The following SGIP1 variants were observed in gnomAD, a reference collection of about 807,000 sequenced individuals.
The protein encoded by SGIP1 is SH3-containing GRB2-like protein 3-interacting protein 1.
SGIP1 carries 38 observed loss-of-function variants against 107.5 expected under a neutral mutation model. The ratio of observed to expected loss-of-function variants is 0.35; its 90% CI spans 0.27 to 0.46. The LOEUF is 0.46. Among genes scored for constraint, SGIP1 ranks in the 20% least tolerant of loss-of-function variants. The pLI is 1.00. For missense variants in SGIP1, 929 were observed against 1,019.5 expected, an observed-to-expected ratio of 0.91 and a Z score of 1.21; for synonymous variants, 365 against 366.1, an observed-to-expected ratio of 1.00 and a Z score of 0.03.
chr1:66,653,957 T>C (rs975336575), intron 7 of SGIP1, among the ~76,000 whole-genome samples: 3 of 152,220 alleles, frequency 2.0e-5, no homozygotes, highest in Non-Finnish European at 2.9e-5. Flanking sequence ...AACAGTTTAC[T>C]GAATGTTGGG....
intron 18 of SGIP1, among the ~76,000 whole-genome samples, chr1:66,716,757 T>C (rs187113520): frequency 1.3e-5 from 2 of 152,232 alleles, no homozygotes; most frequent in Admixed American, 1.3e-4. Flanking sequence ...ATTCTTAGAT[T>C]TGTATTAGAT....
At position 66,550,564 on chromosome 1, in the gene SGIP1, A is replaced by G. The variant is rs549929549; in HGVS notation, c.10+16196A>G. On this transcript the variant is annotated intron_variant, in intron 1 of 24. Coordinates refer to ENST00000371037, the MANE Select transcript of SGIP1 (RefSeq NM_032291.4). The stretch of plus-strand genomic sequence containing the variant: ...TTTCTCTTAACAAGTAGATACAGCT[A>G]TTACCACTGCCCCTCCCCCAAGAGG... 4.6e-5 allele frequency among the ~76,000 whole-genome samples: 7 copies of G among 152,238 alleles called. No homozygotes were observed. The South Asian group carries it at 1.0e-3, about 23-fold the overall frequency.
At chr1:66,643,753 T>C (rs1186282545) in intron 7 of SGIP1, 34 bp downstream of exon 7, 1 of 1,563,646 alleles carries the variant, frequency 6.4e-7, no homozygotes. Context: ...TAAGCTTTAG[T>C]GAGATTGAAC....
At chr1:66,650,227 T>C (rs17129252) in intron 7 of SGIP1, among the ~76,000 whole-genome samples, 23,263 of 152,130 alleles carry the variant, frequency 0.15, 1,951 homozygotes, top group African/African-American at 0.22. Flanking sequence ...CAGAAGGAAG[T>C]ATCCCTAAAT....
chr1:66,644,377 T>C, intron 7 of SGIP1, among the ~76,000 whole-genome samples: 1 of 152,088 alleles, frequency 6.6e-6, no homozygotes, highest in Non-Finnish European at 1.5e-5. Context: ...TTTTGCACAA[T>C]TTGCACTTTC....
At chr1:66,567,017 C>T (rs1023815510) in intron 1 of SGIP1, among the ~76,000 whole-genome samples, 1 of 152,076 alleles carries the variant, frequency 6.6e-6, no homozygotes, top group Admixed American at 6.6e-5. Flanking sequence ...CAGCTTCATC[C>T]ATGTCCCTGC....
intron 1 of SGIP1, among the ~76,000 whole-genome samples, chr1:66,622,179 G>C (rs890356518): frequency 3.9e-5 from 6 of 152,192 alleles, no homozygotes; most frequent in Non-Finnish European, 8.8e-5. Context: ...ACATGCTGGG[G>C]AGTACTGGAG....
intron 2 of SGIP1, among the ~76,000 whole-genome samples, chr1:66,626,985 G>A (rs909405090): frequency 6.6e-6 from 1 of 151,990 alleles, no homozygotes; most frequent in Non-Finnish European, 1.5e-5. Context: ...ATTTCCCTGG[G>A]CCCTTGTCCT....
intron 7 of SGIP1, among the ~76,000 whole-genome samples, chr1:66,650,548 C>CTGATTGGTTTTCTGCAGT (rs1052929000): frequency 7.9e-5 from 12 of 151,892 alleles, no homozygotes; most frequent in African/African-American, 2.9e-4. Flanking sequence ...TTTTCTGCAG[C>CTGATTGGTTTTCTGCAGT]CCACATTCCC....
intron 1 of SGIP1, among the ~76,000 whole-genome samples, chr1:66,554,821 AT>A (rs2057952960): frequency 6.6e-6 from 1 of 152,132 alleles, no homozygotes; most frequent in South Asian, 2.1e-4. Flanking sequence ...AGAGTCACAA[AT>A]TGGAAATATC....
chr1:66,714,545 G>A (rs1307547995), intron 18 of SGIP1, among the ~76,000 whole-genome samples: 2 of 152,094 alleles, frequency 1.3e-5, no homozygotes, highest in Non-Finnish European at 2.9e-5. Flanking sequence ...AAATATGACA[G>A]AGCCACCCAA....
chr1:66,713,695 C>T (rs1255195156), intron 18 of SGIP1, among the ~76,000 whole-genome samples: 3 of 152,018 alleles, frequency 2.0e-5, no homozygotes, highest in Non-Finnish European at 2.9e-5. Context: ...TTCTCTGTAT[C>T]CCTCGGCACC....
At chr1:66,575,933 G>A (rs72916354) in intron 1 of SGIP1, among the ~76,000 whole-genome samples, 2,846 of 152,280 alleles carry the variant, frequency 0.019, 87 homozygotes, top group African/African-American at 0.065. Flanking sequence ...TAGCAGTTTC[G>A]TCAGTACGCT....
intron 1 of SGIP1, among the ~76,000 whole-genome samples, chr1:66,551,815 C>T (rs78607694): frequency 0.02 from 2,976 of 152,220 alleles, 98 homozygotes; most frequent in African/African-American, 0.068. Context: ...ATATAAGGCA[C>T]CTGCCTCCAA....
At chr1:66,635,675 T>A (rs936156743) in intron 3 of SGIP1, among the ~76,000 whole-genome samples, 1 of 152,182 alleles carries the variant, frequency 6.6e-6, no homozygotes, top group African/African-American at 2.4e-5. Flanking sequence ...TAGATCCACA[T>A]GGTCCCTAGT....
In SGIP1 at chr1:66,535,082, C is replaced by A. The variant is rs17129052; in HGVS notation, c.10+714C>A. Among the ~76,000 whole-genome samples, 827 of 152,228 alleles carry A rather than the reference C, an allele frequency of 5.4e-3. 6 individuals carry two copies. Among genetic ancestry groups the A allele is most frequent in the African/African-American group, 0.019 (788 of 41,528 alleles). ...AATGATTATTTGCTGATGATCTTTT[C>A]GCATATTCAATATTGAGTGTAAGGA... On this transcript the variant is annotated intron_variant, in intron 1 of 24. Transcript: ENST00000371037.
chr1:66,671,561 A>G (rs1396222745), intron 10 of SGIP1, among the ~76,000 whole-genome samples: 2 of 152,254 alleles, frequency 1.3e-5, no homozygotes, highest in Non-Finnish European at 2.9e-5. Flanking sequence ...AAGAACAGGC[A>G]GAGAATGCTG....
chr1:66,696,405 T>C (rs2150165040), intron 18 of SGIP1, among the ~76,000 whole-genome samples: 1 of 152,282 alleles, frequency 6.6e-6, no homozygotes, highest in South Asian at 2.1e-4. Context: ...CAAAACACAT[T>C]CCACTCTAGA....
chr1:66,655,764 C>A (rs935007453), intron 7 of SGIP1, among the ~76,000 whole-genome samples: 1 of 151,538 alleles, frequency 6.6e-6, no homozygotes, highest in Non-Finnish European at 1.5e-5. Flanking sequence ...CTGTATAAGG[C>A]ATTTACCATG....
Sources: gnomAD v4.1 joint callset for allele counts (sites outside exome capture counted in the v4.1 genomes callset) on GRCh38, gnomAD v4.1.1 for gene constraint, MANE v1.5 for transcripts, NCBI Gene and HGNC (gene_info 2026-07-23, HGNC 2026-07-21) for gene names.